Variants in CPSF6 observed in about 807,000 individuals in gnomAD.
CPSF6 encodes the protein cleavage and polyadenylation specificity factor subunit 6.
CPSF6 carries 10 observed loss-of-function variants against 56.7 expected under a neutral mutation model. The ratio of observed to expected loss-of-function variants is 0.18; its 90% CI spans 0.11 to 0.30. The LOEUF (loss-of-function observed/expected upper bound fraction) is 0.30, where lower values mean the gene tolerates loss of function less well. Ranked by LOEUF, CPSF6 falls within the 10% of genes least tolerant of loss-of-function variation. The pLI is 1.00. For missense variants in CPSF6, 419 were observed against 722.9 expected (o/e 0.58, Z 4.82); for synonymous variants, 248 against 244.8 (o/e 1.01, Z -0.12).
chr12:69,264,957 T>G (rs1223513744), intron 9 of CPSF6, among the ~76,000 whole-genome samples: 2 of 152,162 alleles, frequency 1.3e-5, no homozygotes, highest in Non-Finnish European at 2.9e-5. Context: ...CTAGTAAGGC[T>G]GTATACAAAT....
chr12:69,250,590 CAA>C (rs61337613), intron 1 of CPSF6, among the ~76,000 whole-genome samples: 63 of 48,840 alleles, frequency 1.3e-3, no homozygotes, highest in African/African-American at 2.9e-3. Context: ...CTGGTCTCTA[CAA>C]AAAAAAAAAA....
chr12:69,267,760 A>C (rs1177319618), intron 9 of CPSF6, among the ~76,000 whole-genome samples: 3 of 151,916 alleles, frequency 2.0e-5, no homozygotes, highest in African/African-American at 7.2e-5. Flanking sequence ...TTATGTCTGT[A>C]TGGTGAAAAT....
intron 1 of CPSF6, 71 bp downstream of exon 1, chr12:69,239,777 C>G: frequency 7.0e-7 from 1 of 1,424,634 alleles, no homozygotes; most frequent in Non-Finnish European, 9.3e-7. Flanking sequence ...CCGGGGCCCG[C>G]TGCGGCCGCG....
In CPSF6 at chr12:69,262,509, C is replaced by A; in HGVS notation, c.1606C>A (p.Arg536=). The change falls in exon 9 of 10, where the codon CGA becomes AGA. Residue 536 remains arginine (R), a synonymous_variant. Transcript: ENST00000435070. ...RERERHRDRD[R]DRDRERDRER... Reference sequence around the variant, plus strand: ...ACGAGAGAGGCACCGGGATCGTGACCGAGACCGTGACCGAGAGCGTGACCG... The same window carrying A: ...ACGAGAGAGGCACCGGGATCGTGACAGAGACCGTGACCGAGAGCGTGACCG... 2 of 1,613,794 alleles carry A rather than the reference C, an allele frequency of 1.2e-6. No homozygotes were observed. Among genetic ancestry groups the A allele is most frequent in the Non-Finnish European group, 8.5e-7 (1 of 1,179,860 alleles).
intron 2 of CPSF6, chr12:69,252,045 A>G (rs1232201243): frequency 2.2e-6 from 1 of 455,724 alleles, no homozygotes; most frequent in Admixed American, 2.4e-5. Flanking sequence ...CCTTAATAAC[A>G]CTGTATTTTT....
chr12:69,258,444 A>T lies in CPSF6; in HGVS notation c.695-146A>T. On this transcript the variant is annotated intron_variant, in intron 5 of 9. Coordinates refer to ENST00000435070, the MANE Select transcript of CPSF6 (RefSeq NM_007007.3). This position sits in a 1 kb window ranked among gnomAD's most constrained non-coding sequence, Gnocchi z 4.2. ...AAGGATATACTTCATTGTAGTTGGT[A>T]GTGTAACATTTACCATACGGGTTTA... 1.3e-6 allele frequency: 1 copy of T among 783,144 alleles called. No homozygotes were observed. Among genetic ancestry groups the T allele is most frequent in the Non-Finnish European group, 2.0e-6 (1 of 511,544 alleles). 48.5% of individuals were successfully genotyped at this position (783,144 alleles called of 1,614,324 possible).
chr12:69,257,983 A>T, intron 5 of CPSF6, 78 bp downstream of exon 5: 1 of 1,552,218 alleles, frequency 6.4e-7, no homozygotes, highest in Non-Finnish European at 8.8e-7. Flanking sequence ...TTTTCAAGTA[A>T]TGCATTATTA....
chr12:69,263,639 T>C (rs1872846059), intron 9 of CPSF6, among the ~76,000 whole-genome samples: 1 of 152,120 alleles, frequency 6.6e-6, no homozygotes, highest in Non-Finnish European at 1.5e-5. Context: ...AATTCAGTCA[T>C]GGTAATTGTT....
rs545656352 is a variant in CPSF6 at position 69,247,796 on chromosome 12, T to TAA, written c.61-3330_61-3329dup. 1.3e-4 allele frequency among the ~76,000 whole-genome samples: 20 copies of TAA among 152,328 alleles called. No individual in the cohort carries two copies. In the East Asian group the frequency reaches 3.9e-3, roughly 29 times the overall value. ...AGGATTGATGTGATATGAAGCTGATTAAAAGGAAGGTTACTGATAACTACA... is the reference window on the plus strand; with the variant it reads ...AGGATTGATGTGATATGAAGCTGATTAAAAAAGGAAGGTTACTGATAACTACA... On this transcript the variant is annotated intron_variant, in intron 1 of 9. Coordinates refer to ENST00000435070, the MANE Select transcript of CPSF6 (RefSeq NM_007007.3).
intron 7 of CPSF6, 108 bp downstream of exon 7, chr12:69,259,651 A>G (rs1393166999): frequency 6.5e-6 from 6 of 916,162 alleles, no homozygotes; most frequent in East Asian, 2.7e-5. Context: ...AGTTCTTTTT[A>G]TATTCCCAAA....
chr12:69,239,761 G>C lies in CPSF6; in HGVS notation c.60+55G>C. ...ACGCGGGCGGCGCTGCGGCCGGGAA[G>C]CTGACCCGGGGCCCGCTGCGGCCGC... On this transcript the variant is annotated intron_variant, in intron 1 of 9. Coordinates refer to ENST00000435070, the MANE Select transcript of CPSF6 (RefSeq NM_007007.3). 3 of 1,512,324 alleles carry C rather than the reference G, an allele frequency of 2.0e-6. 1 individual carries two copies. Among genetic ancestry groups the C allele is most frequent in the Non-Finnish European group, 2.7e-6 (3 of 1,125,766 alleles). 93.7% of individuals were successfully genotyped at this position (1,512,324 alleles called of 1,614,324 possible).
chr12:69,267,799 A>G (rs181108105), intron 9 of CPSF6, among the ~76,000 whole-genome samples: 13 of 152,036 alleles, frequency 8.6e-5, no homozygotes, highest in Admixed American at 4.6e-4. Context: ...AGATCTATCT[A>G]TAAAGTATAA....
At chr12:69,257,023 C>A (rs908178101) in intron 4 of CPSF6, among the ~76,000 whole-genome samples, 181 bp downstream of exon 4, 1 of 152,226 alleles carries the variant, frequency 6.6e-6, no homozygotes, top group African/African-American at 2.4e-5. Flanking sequence ...GAGAAACCTA[C>A]TCCTGTTCCA....
chr12:69,268,476 A>G (rs1269154354), intron 9 of CPSF6, among the ~76,000 whole-genome samples: 1 of 151,676 alleles, frequency 6.6e-6, no homozygotes, highest in African/African-American at 2.4e-5. Context: ...GGCAGAAGTA[A>G]CTCTTAATTG....
chr12:69,254,471 C>T (rs1349619389), intron 3 of CPSF6, among the ~76,000 whole-genome samples: 1 of 152,164 alleles, frequency 6.6e-6, no homozygotes. Context: ...CTTCCATGAC[C>T]ATCTTGTGCA....
intron 6 of CPSF6, 50 bp downstream of exon 6, chr12:69,259,144 A>T (rs1872638179): frequency 9.9e-6 from 15 of 1,521,312 alleles, no homozygotes; most frequent in Non-Finnish European, 1.2e-5. Context: ...AGATAGGAAC[A>T]ATGACTGTAA....
At chr12:69,257,222 T>A (rs533582722) in intron 4 of CPSF6, among the ~76,000 whole-genome samples, 56 of 152,354 alleles carry the variant, frequency 3.7e-4, no homozygotes, top group Middle Eastern at 3.4e-3. Context: ...AAAATGTTCA[T>A]TGATTTTTCT....
At chr12:69,264,371 A>G (rs557956371) in intron 9 of CPSF6, among the ~76,000 whole-genome samples, 189 of 152,254 alleles carry the variant, frequency 1.2e-3, no homozygotes, top group Admixed American at 2.2e-3. Flanking sequence ...AAAGTTAACT[A>G]ATTACAATTT....
rs760275270 is a variant in CPSF6 at position 69,258,582 on chromosome 12, T to C, written c.695-8T>C. 5.7e-6 allele frequency: 9 copies of C among 1,569,502 alleles called. No homozygotes were observed. In the Admixed American group the frequency reaches 8.3e-5, roughly 14 times the overall value. ...TTTTTTTTTCTCTCTTTCTCCTTTGTTTTTTAGCTGGACAGACTCCACCAC... is the reference window on the plus strand; with the variant it reads ...TTTTTTTTTCTCTCTTTCTCCTTTGCTTTTTAGCTGGACAGACTCCACCAC... On this transcript the variant is annotated splice_polypyrimidine_tract_variant and splice_region_variant and intron_variant, in intron 5 of 9. Coordinates refer to ENST00000435070, the MANE Select transcript of CPSF6 (RefSeq NM_007007.3). This position sits in a 1 kb window ranked among gnomAD's most constrained non-coding sequence, Gnocchi z 4.2.
Sources: allele counts gnomAD v4.1 joint callset (sites outside exome capture counted in the v4.1 genomes callset), GRCh38; gene constraint gnomAD v4.1.1; non-coding constraint Gnocchi (gnomAD v3.1); transcripts MANE v1.5; gene names NCBI Gene and HGNC (gene_info 2026-07-23, HGNC 2026-07-21).